RPS6KA2: variants seen among roughly 807,000 people sequenced by gnomAD.
The protein encoded by RPS6KA2 is ribosomal protein S6 kinase alpha-2.
A neutral mutation model predicts 91.8 loss-of-function variants in RPS6KA2; 42 were observed. The ratio of observed to expected loss-of-function variants is 0.46; its 90% confidence interval spans 0.36 to 0.59. The LOEUF (loss-of-function observed/expected upper bound fraction) is 0.59. Among genes scored for constraint, RPS6KA2 ranks in the 20% least tolerant of loss-of-function variants. RPS6KA2 has a pLI of 0.00. For synonymous variants in RPS6KA2, 414 were observed against 393.6 expected (o/e 1.05, Z -0.61); for missense variants, 798 against 978.5 (o/e 0.82, Z 2.46).
At chr6:166,561,051 T>A (rs1784328109) in intron 1 of RPS6KA2, among the ~76,000 whole-genome samples, 1 of 152,108 alleles carries the variant, frequency 6.6e-6, no homozygotes, top group Non-Finnish European at 1.5e-5. Flanking sequence ...AGCGTTCAAC[T>A]TATCCACCAT....
chr6:166,506,282 C>T (rs1276163176), intron 5 of RPS6KA2, among the ~76,000 whole-genome samples: 6 of 152,192 alleles, frequency 3.9e-5, no homozygotes, highest in East Asian at 1.9e-4. Context: ...TGAAGGCCCT[C>T]GGGGGAGGCA....
At position 166,423,413 on chromosome 6, in the gene RPS6KA2, A is replaced by G; in HGVS notation, c.1586T>C (p.Val529Ala). ...TMDYLHSQGV[V>A]HRDLKPSNIL... The stretch of plus-strand genomic sequence containing the variant: ...GTTACTCGGCTTCAGGTCTCGATGA[A>G]CAACCTGCAAGACAGAAGGCACAGT... The change falls in exon 17 of 21, where the codon GTT becomes GCT. Residue 529 changes from valine (V) to alanine (A), a missense_variant. Physicochemically the swap from Val to Ala is moderately conservative, Grantham distance 64 (BLOSUM62 0). Transcript: ENST00000265678. The surrounding 1 kb of genome is among the most constrained non-coding windows in gnomAD (Gnocchi z 4.8). 1.2e-6 allele frequency: 2 copies of G among 1,608,322 alleles called. No homozygotes were observed. Among genetic ancestry groups the G allele is most frequent in the Non-Finnish European group, 8.5e-7 (1 of 1,175,308 alleles).
chr6:166,558,442 T>G (rs1156762048), intron 1 of RPS6KA2, among the ~76,000 whole-genome samples: 1 of 152,118 alleles, frequency 6.6e-6, no homozygotes, highest in Non-Finnish European at 1.5e-5. Flanking sequence ...GTTAAAACCA[T>G]CCACAAACAC....
In RPS6KA2 at chr6:166,745,674, C is replaced by T. The variant is rs117038256; in HGVS notation, c.123+112526G>A. Among the ~76,000 whole-genome samples the T allele has an allele frequency of 7.9e-5, 12 of 152,022 alleles. No homozygotes were observed. In the East Asian group the frequency reaches 1.4e-3, roughly 17 times the overall value. On this transcript the variant is annotated intron_variant, in intron 2 of 21. Transcript: ENST00000503859. ...TTCCACCCAATATTCACTCAGAGAA[C>T]GAGAGGGGGTGACAACAGTGCCTGG... is the stretch of plus-strand genomic sequence containing the variant.
rs59606557 is a variant in RPS6KA2, at chr6:166,557,975, GGT to G, written c.100-19193_100-19192del. Among the ~76,000 whole-genome samples the G allele has an allele frequency of 1.8e-4, 27 of 150,968 alleles. No individual in the cohort carries two copies. The South Asian group carries it at 2.5e-3, about 14-fold the overall frequency. ...AGAGATGTATATGTATATACAGAGGGGTGTGTGTGTGTGTGTATATATGTATG... is the reference window on the plus strand; with the variant it reads ...AGAGATGTATATGTATATACAGAGGGGTGTGTGTGTGTGTATATATGTATG... On this transcript the variant is annotated intron_variant, in intron 1 of 20. Transcript: ENST00000265678. The surrounding 1 kb of genome is among the most constrained non-coding windows in gnomAD (Gnocchi z 4.8).
At chr6:166,855,200 C>T (rs568373905) in intron 2 of RPS6KA2, among the ~76,000 whole-genome samples, 11 of 152,056 alleles carry the variant, frequency 7.2e-5, no homozygotes, top group Admixed American at 1.3e-4. Flanking sequence ...GGAGTGGGGG[C>T]GAGGATGAAA....
intron 2 of RPS6KA2, among the ~76,000 whole-genome samples, chr6:166,824,530 G>A (rs1353960958): frequency 6.6e-6 from 1 of 152,110 alleles, no homozygotes; most frequent in East Asian, 1.9e-4. Context: ...TAGCATGAGG[G>A]CATGTGTGTG....
At chr6:166,491,696 A>T (rs2128474279) in intron 8 of RPS6KA2, among the ~76,000 whole-genome samples, 1 of 152,170 alleles carries the variant, frequency 6.6e-6, no homozygotes, top group East Asian at 1.9e-4. Context: ...ATCCTCCAGC[A>T]TTCGTCCTTT....
chr6:166,811,093 T>A (rs1284038560), intron 2 of RPS6KA2, among the ~76,000 whole-genome samples: 1 of 152,182 alleles, frequency 6.6e-6, no homozygotes, highest in Non-Finnish European at 1.5e-5. Flanking sequence ...GAAAATAAAA[T>A]CTTGAAAAAT....
chr6:166,480,493 AT>A (rs1259793670), intron 10 of RPS6KA2, among the ~76,000 whole-genome samples: 27 of 129,650 alleles, frequency 2.1e-4, no homozygotes, highest in African/African-American at 8.6e-4. Context: ...ATATATATAT[AT>A]ATATATATAT....
At chr6:166,584,908 A>T (rs1284677915) in intron 1 of RPS6KA2, among the ~76,000 whole-genome samples, 1 of 152,232 alleles carries the variant, frequency 6.6e-6, no homozygotes, top group Non-Finnish European at 1.5e-5. Context: ...TTAGCTAAAG[A>T]TTCAATCTGG....
At chr6:166,522,766 G>A (rs77389751) in intron 3 of RPS6KA2, among the ~76,000 whole-genome samples, 17 of 152,250 alleles carry the variant, frequency 1.1e-4, no homozygotes, top group Non-Finnish European at 2.4e-4. Context: ...GGACTTCCAC[G>A]AGCCATCGTG....
intron 2 of RPS6KA2, among the ~76,000 whole-genome samples, chr6:166,836,683 G>C (rs1010322889): frequency 3.3e-5 from 5 of 152,100 alleles, no homozygotes; most frequent in Admixed American, 3.3e-4. Flanking sequence ...ATTTATTATA[G>C]TTACTTTCAA....
chr6:166,819,081 A>C (rs1779839950), intron 2 of RPS6KA2, among the ~76,000 whole-genome samples: 1 of 152,046 alleles, frequency 6.6e-6, no homozygotes, highest in South Asian at 2.1e-4. Flanking sequence ...GCACATGGAC[A>C]CGCCACTCAG....
chr6:166,816,391 C>CAAAA (rs61347721), intron 2 of RPS6KA2, among the ~76,000 whole-genome samples: 3,545 of 120,026 alleles, frequency 0.03, 276 homozygotes, highest in East Asian at 0.29. Flanking sequence ...ACTAAAAATA[C>CAAAA]AAAAAAAAAA....
intron 2 of RPS6KA2, among the ~76,000 whole-genome samples, chr6:166,664,059 A>C (rs975946861): frequency 6.6e-6 from 1 of 152,272 alleles, no homozygotes; most frequent in Non-Finnish European, 1.5e-5. Context: ...TAAGTGTCAT[A>C]GAGGAAATTT....
At chr6:166,585,359 T>A (rs1785135277) in intron 1 of RPS6KA2, among the ~76,000 whole-genome samples, 1 of 152,182 alleles carries the variant, frequency 6.6e-6, no homozygotes, top group Non-Finnish European at 1.5e-5. Context: ...TCTGTATTGA[T>A]TAGTTATGGT....
At chr6:166,616,336 C>T (rs974924497) in intron 1 of RPS6KA2, among the ~76,000 whole-genome samples, 30 of 152,162 alleles carry the variant, frequency 2.0e-4, no homozygotes, top group African/African-American at 7.2e-4. Context: ...GCCCCAACCC[C>T]GACGCATGGA....
At chr6:166,449,826 A>AGGGACCACCACGGGACAACCACG (rs1779803365) in intron 13 of RPS6KA2, among the ~76,000 whole-genome samples, 1 of 129,040 alleles carries the variant, frequency 7.7e-6, no homozygotes, top group Non-Finnish European at 1.7e-5. Flanking sequence ...GAACCACCAC[A>AGGGACCACCACGGGACAACCACG]GGGACCACCA....
Sources: gnomAD v4.1 joint callset for allele counts (sites outside exome capture counted in the v4.1 genomes callset) on GRCh38, gnomAD v4.1.1 for gene constraint, Gnocchi (gnomAD v3.1) non-coding constraint, MANE v1.5 for transcripts, NCBI Gene and HGNC (gene_info 2026-07-23, HGNC 2026-07-21) for gene names.